The following LRCH1 variants were observed in gnomAD, a reference collection of about 807,000 sequenced individuals.
LRCH1 encodes the protein leucine rich repeats and calponin homology domain containing 1.
In LRCH1, 23 loss-of-function variants were observed where a neutral mutation model predicts 94.9. The ratio of observed to expected loss-of-function variants is 0.24; its 90% confidence interval spans 0.17 to 0.34. The LOEUF is 0.34. Ranked by LOEUF, LRCH1 falls within the 10% of genes least tolerant of loss-of-function variation. The pLI is 1.00. For missense variants in LRCH1, 790 were observed against 945.9 expected, an observed-to-expected ratio of 0.84 and a Z score of 2.16; for synonymous variants, 364 against 354.9, an observed-to-expected ratio of 1.03 and a Z score of -0.29.
intron 8 of LRCH1, 78 bp from the exon 9 acceptor site, chr13:46,694,815 T>A: frequency 6.7e-7 from 1 of 1,497,706 alleles, no homozygotes; most frequent in Admixed American, 1.8e-5. Context: ...AGTGATTAGA[T>A]CATATTTGAA....
intron 1 of LRCH1, among the ~76,000 whole-genome samples, chr13:46,568,858 C>G (rs2050212737): frequency 2.0e-5 from 3 of 152,106 alleles, no homozygotes; most frequent in Non-Finnish European, 1.5e-5. Context: ...GTAAATCATA[C>G]CTTGATACAG....
Position 46,741,827 on chromosome 13 carries a change from C to G in LRCH1, c.2271C>G (p.His757Gln). The G allele has an allele frequency of 6.2e-7, 1 of 1,614,112 alleles. No individual in the cohort carries two copies. The highest frequency in any genetic ancestry group is 1.1e-5 in the South Asian group (1 of 91,078). ...LFIVLVYITY[H>Q]WNALSA is the part of the protein sequence containing the mutation. ...TAGTGCTGGTCTATATCACTTACCA[C>G]TGGAATGCTCTGTCCGCATAATGTC... is the stretch of plus-strand genomic sequence containing the variant. Residue 757 changes from histidine to glutamine, a missense_variant, in exon 20 of 20, where the codon CAC becomes CAG. His to Gln is a conservative substitution (Grantham distance 24). This residue lies in a region of LRCH1 where 460 missense variants were observed against 508.9 expected (regional missense o/e 0.90). Coordinates refer to ENST00000389797, the MANE Select transcript of LRCH1 (RefSeq NM_001164211.2).
intron 16 of LRCH1, among the ~76,000 whole-genome samples, chr13:46,717,944 G>C (rs1174959851): frequency 6.6e-6 from 1 of 152,172 alleles, no homozygotes; most frequent in Non-Finnish European, 1.5e-5. Context: ...AGTCCCCAAA[G>C]TTCTGCCCCA....
rs2138153253 is a variant in LRCH1, at chr13:46,687,756, A to G, written c.823-96A>G. On this transcript the variant is annotated intron_variant, in intron 5 of 19. Transcript: ENST00000389797. ...ATTGGTAGGGTGTTACTTAAAATGAAACTGGGAAAATTGAAATATACAGAG... is the reference window on the plus strand; with the variant it reads ...ATTGGTAGGGTGTTACTTAAAATGAGACTGGGAAAATTGAAATATACAGAG... 3.9e-6 allele frequency: 4 copies of G among 1,024,882 alleles called. No homozygotes were observed. In the East Asian group the frequency reaches 1.1e-4, roughly 27 times the overall value. 63.5% of individuals were successfully genotyped at this position (1,024,882 alleles called of 1,614,324 possible). A position where few individuals can be genotyped will look rare whatever the true frequency, so the allele number is the denominator to read the frequency against.
intron 13 of LRCH1, chr13:46,705,512 A>G (rs928077721): frequency 1.4e-6 from 1 of 693,312 alleles, no homozygotes; most frequent in African/African-American, 1.8e-5. Flanking sequence ...TCTGTTGAAG[A>G]TGAGAGTTGG....
At position 46,743,197 on chromosome 13, in the gene LRCH1, T is replaced by C. The variant is rs1873752819; in HGVS notation, c.*1349T>C. The stretch of plus-strand genomic sequence containing the variant: ...TTTATTAAGATGCAAACAGCTCTCA[T>C]AGATGGCTACTACGAAGAAAATCTT... On this transcript the variant is annotated 3_prime_UTR_variant, in exon 20 of 20. Coordinates refer to ENST00000389797, the MANE Select transcript of LRCH1 (RefSeq NM_001164211.2). 1 of 985,706 alleles carries C rather than the reference T, an allele frequency of 1.0e-6. No individual in the cohort carries two copies. The highest frequency in any genetic ancestry group is 4.7e-5 in the South Asian group (1 of 21,288). 61.1% of individuals were successfully genotyped at this position (985,706 alleles called of 1,614,324 possible). A position where few individuals can be genotyped will look rare whatever the true frequency, so the allele number is the denominator to read the frequency against.
intron 1 of LRCH1, among the ~76,000 whole-genome samples, chr13:46,571,881 TGAGA>T (rs139051742): frequency 1.3e-5 from 2 of 151,022 alleles, no homozygotes; most frequent in African/African-American, 4.9e-5. Context: ...TATGTGTGTG[TGAGA>T]GAGAGAGAGA....
chr13:46,713,455 A>G (rs1188677689), intron 15 of LRCH1, among the ~76,000 whole-genome samples: 1 of 152,240 alleles, frequency 6.6e-6, no homozygotes, highest in African/African-American at 2.4e-5. Context: ...ACATGTGTAT[A>G]TTTTGCAAAA....
At chr13:46,623,058 G>A (rs1209304041) in intron 1 of LRCH1, among the ~76,000 whole-genome samples, 1 of 152,180 alleles carries the variant, frequency 6.6e-6, no homozygotes, top group Admixed American at 6.5e-5. Context: ...GTAGTTAAAA[G>A]ATGCCAGTCT....
intron 18 of LRCH1, among the ~76,000 whole-genome samples, chr13:46,733,651 T>C (rs1247558822): frequency 2.0e-5 from 3 of 151,992 alleles, no homozygotes; most frequent in Non-Finnish European, 2.9e-5. Flanking sequence ...CAAACATCTA[T>C]ATATATATAC....
At chr13:46,677,634 CTT>C (rs1381704221) in intron 3 of LRCH1, among the ~76,000 whole-genome samples, 2 of 152,120 alleles carry the variant, frequency 1.3e-5, no homozygotes, top group African/African-American at 4.8e-5. Flanking sequence ...TCTAGAGACT[CTT>C]TTTATTGTGA....
At chr13:46,559,394 A>G (rs1198634394) in intron 1 of LRCH1, among the ~76,000 whole-genome samples, 1 of 152,234 alleles carries the variant, frequency 6.6e-6, no homozygotes, top group African/African-American at 2.4e-5. Context: ...TTCATAAACT[A>G]TGATTCATAT....
At chr13:46,553,876 G>A (rs1022282931) in intron 1 of LRCH1, among the ~76,000 whole-genome samples, 173 bp downstream of exon 1, 8 of 152,348 alleles carry the variant, frequency 5.3e-5, no homozygotes, top group Non-Finnish European at 4.4e-5. Context: ...GCGGGCCCTG[G>A]AGAGGGCACG....
At chr13:46,600,133 G>A (rs1420726484) in intron 1 of LRCH1, among the ~76,000 whole-genome samples, 1 of 141,136 alleles carries the variant, frequency 7.1e-6, no homozygotes, top group Middle Eastern at 3.5e-3. Flanking sequence ...TGATCCACCC[G>A]CCTCAGGCCT....
chr13:46,580,253 T>C (rs1310150605), intron 1 of LRCH1, among the ~76,000 whole-genome samples: 2 of 152,226 alleles, frequency 1.3e-5, no homozygotes, highest in African/African-American at 4.8e-5. Flanking sequence ...TGTCATCAAA[T>C]TATAACCTGA....
chr13:46,605,936 T>A (rs1033429157), intron 1 of LRCH1, among the ~76,000 whole-genome samples: 1 of 152,212 alleles, frequency 6.6e-6, no homozygotes, highest in African/African-American at 2.4e-5. Flanking sequence ...GGGTTCAATA[T>A]TCTTTTCTCA....
intron 1 of LRCH1, among the ~76,000 whole-genome samples, chr13:46,593,327 T>A (rs1160503789): frequency 6.7e-6 from 1 of 150,228 alleles, no homozygotes; most frequent in Non-Finnish European, 1.5e-5. Context: ...GAATCCTGAA[T>A]TGACTAGACA....
chr13:46,720,966 T>TA (rs573588504), intron 16 of LRCH1, among the ~76,000 whole-genome samples: 90 of 152,350 alleles, frequency 5.9e-4, no homozygotes, highest in African/African-American at 2.1e-3. Flanking sequence ...GTGTTCATTT[T>TA]AAAAAATACA....
chr13:46,710,476 G>A (rs1872002262), intron 13 of LRCH1, among the ~76,000 whole-genome samples: 1 of 152,176 alleles, frequency 6.6e-6, no homozygotes, highest in East Asian at 1.9e-4. Context: ...GATGGCACTG[G>A]CATCCATGCA....
Sources: allele counts gnomAD v4.1 joint callset (sites outside exome capture counted in the v4.1 genomes callset), GRCh38; gene constraint gnomAD v4.1.1; regional missense constraint gnomAD v4.1.1; transcripts MANE v1.5; gene names NCBI Gene and HGNC (gene_info 2026-07-23, HGNC 2026-07-21).